SLC14A2: variants seen among roughly 807,000 people sequenced by gnomAD.
SLC14A2 encodes urea transporter 2.
In SLC14A2, 91 loss-of-function variants were observed where a neutral mutation model predicts 104.6. That is an observed-to-expected ratio of 0.87 (90% confidence interval 0.73 to 1.04). The LOEUF is 1.04. SLC14A2 is among the 50% of genes least tolerant of loss of function. The pLI is 0.00. For missense variants in SLC14A2, 1,189 were observed against 1,156.0 expected, an observed-to-expected ratio of 1.03 and a Z score of -0.41; for synonymous variants, 476 against 466.4, an observed-to-expected ratio of 1.02 and a Z score of -0.27.
At chr18:45,190,573 G>T in the SLC14A2 span, among the ~76,000 whole-genome samples, 3 of 152,120 alleles carry the variant, frequency 2.0e-5, no homozygotes, top group Non-Finnish European at 4.4e-5. Context: ...TTCTGCCCCT[G>T]AATCAAAAAC....
chr18:45,408,765 G>A (rs529015026), intron 1 of SLC14A2, among the ~76,000 whole-genome samples: 1 of 152,228 alleles, frequency 6.6e-6, no homozygotes, highest in South Asian at 2.1e-4. Flanking sequence ...GTGAGAAAAA[G>A]AGTGTGATGA....
chr18:45,527,461 C>T (rs1284134802), intron 2 of SLC14A2, among the ~76,000 whole-genome samples: 1 of 152,174 alleles, frequency 6.6e-6, no homozygotes, highest in Non-Finnish European at 1.5e-5. Context: ...AGACAGGCTT[C>T]CCTTAAAGTT....
intron 11 of SLC14A2, among the ~76,000 whole-genome samples, chr18:45,664,667 C>T (rs150410666): frequency 6.6e-6 from 1 of 152,284 alleles, no homozygotes; most frequent in Admixed American, 6.5e-5. Flanking sequence ...CCAGAAGATG[C>T]CTGAATGACC....
chr18:45,642,749 T>G (rs909042583), intron 8 of SLC14A2, among the ~76,000 whole-genome samples: 1 of 151,794 alleles, frequency 6.6e-6, no homozygotes, highest in African/African-American at 2.4e-5. Flanking sequence ...CAGGAGCTCG[T>G]ATAGTCTGAC....
At chr18:45,395,938 T>A (rs2144431301) in intron 1 of SLC14A2, among the ~76,000 whole-genome samples, 1 of 152,262 alleles carries the variant, frequency 6.6e-6, no homozygotes, top group South Asian at 2.1e-4. Context: ...ACACATCGTT[T>A]CAGGTGTGAT....
chr18:45,528,901 C>G (rs1478276114), intron 2 of SLC14A2: 1 of 152,214 alleles, frequency 6.6e-6, no homozygotes, highest in Non-Finnish European at 1.5e-5. Context: ...AAACATGGCA[C>G]TGTGCCAATT....
intron 2 of SLC14A2, among the ~76,000 whole-genome samples, chr18:45,604,099 T>C (rs530583219): frequency 4.6e-5 from 7 of 152,262 alleles, no homozygotes; most frequent in Non-Finnish European, 1.0e-4. Context: ...CTCACACCTA[T>C]AATTCACTTT....
intron 10 of SLC14A2, among the ~76,000 whole-genome samples, chr18:45,657,479 T>C (rs1378234404): frequency 2.5e-5 from 3 of 118,712 alleles, no homozygotes; most frequent in East Asian, 2.3e-4. Context: ...AGAGCGAGAC[T>C]GTGTCAAGGA....
intron 1 of SLC14A2, among the ~76,000 whole-genome samples, chr18:45,224,217 TGGCTGCCCAGCCGTA>T (rs2084091701): frequency 6.6e-6 from 1 of 152,226 alleles, no homozygotes; most frequent in Non-Finnish European, 1.5e-5. Context: ...CAAAGCCTCT[TGGCTGCCCAGCCGTA>T]GGCTGCTGGG....
intron 1 of SLC14A2, among the ~76,000 whole-genome samples, chr18:45,382,091 G>A (rs1319624817): frequency 6.6e-6 from 1 of 152,194 alleles, no homozygotes. Context: ...GTGTTCTACA[G>A]GATAGGCCAG....
chr18:45,308,925 G>A (rs1174219789), intron 1 of SLC14A2, among the ~76,000 whole-genome samples: 1 of 152,108 alleles, frequency 6.6e-6, no homozygotes, highest in Non-Finnish European at 1.5e-5. Context: ...TAGCACAGGA[G>A]GCATTTTGGA....
chr18:45,315,958 T>C (rs183645860), intron 1 of SLC14A2, among the ~76,000 whole-genome samples: 35 of 152,322 alleles, frequency 2.3e-4, no homozygotes, highest in Middle Eastern at 3.4e-3. Flanking sequence ...ACCCCATGAA[T>C]TGCCATCTGC....
intron 10 of SLC14A2, chr18:45,647,022 A>C (rs930720592): frequency 6.6e-6 from 1 of 152,140 alleles, no homozygotes; most frequent in African/African-American, 2.4e-5. Flanking sequence ...GCTGTGTCTC[A>C]AACTCTTTTC....
chr18:45,231,035 G>A (rs1369708385), intron 1 of SLC14A2, among the ~76,000 whole-genome samples: 1 of 152,120 alleles, frequency 6.6e-6, no homozygotes, highest in Non-Finnish European at 1.5e-5. Context: ...TTTTACATTA[G>A]CCTACCAGCC....
intron 1 of SLC14A2, among the ~76,000 whole-genome samples, chr18:45,367,605 T>G (rs1302103038): frequency 6.6e-6 from 1 of 152,180 alleles, no homozygotes; most frequent in Non-Finnish European, 1.5e-5. Context: ...TCCAGAAGTG[T>G]GCCAGGGCTG....
intron 2 of SLC14A2, among the ~76,000 whole-genome samples, chr18:45,599,012 C>G (rs193251327): frequency 3.3e-5 from 5 of 152,112 alleles, no homozygotes; most frequent in Non-Finnish European, 4.4e-5. Flanking sequence ...CACTGGTTTC[C>G]AAAAAGAGGC....
At chr18:45,593,867 C>A (rs1189497478) in intron 2 of SLC14A2, among the ~76,000 whole-genome samples, 1 of 152,120 alleles carries the variant, frequency 6.6e-6, no homozygotes, top group Non-Finnish European at 1.5e-5. Flanking sequence ...CTCTAGTATT[C>A]GAGCTAAGTA....
At chr18:45,245,509 G>A (rs559674371) in intron 1 of SLC14A2, among the ~76,000 whole-genome samples, 111 of 152,300 alleles carry the variant, frequency 7.3e-4, no homozygotes, top group African/African-American at 2.6e-3. Flanking sequence ...GGCAATGTCA[G>A]AAAAACAAAA....
chr18:45,272,096 A>C (rs1252797636), intron 1 of SLC14A2, among the ~76,000 whole-genome samples: 2 of 152,080 alleles, frequency 1.3e-5, no homozygotes, highest in African/African-American at 4.8e-5. Context: ...GAATAGCCAT[A>C]TGCTGATAAG....
Sources: gnomAD v4.1 joint callset for allele counts (sites outside exome capture counted in the v4.1 genomes callset) on GRCh38, gnomAD v4.1.1 for gene constraint, MANE v1.5 for transcripts, NCBI Gene and HGNC (gene_info 2026-07-23, HGNC 2026-07-21) for gene names.